The following CADM2 variants were observed in gnomAD, a reference collection of about 807,000 sequenced individuals.
CADM2 encodes immunoglobulin superfamily member 4D.
CADM2 carries 12 observed loss-of-function variants against 49.8 expected under a neutral mutation model. The ratio of observed to expected loss-of-function variants is 0.24; its 90% confidence interval spans 0.15 to 0.39. The LOEUF is 0.39. Ranked by LOEUF, CADM2 falls within the 10% of genes least tolerant of loss-of-function variation. The pLI, the probability that CADM2 is intolerant of heterozygous loss-of-function variation, is 1.00. For synonymous variants in CADM2, 214 were observed against 175.4 expected, an observed-to-expected ratio of 1.22 and a Z score of -1.74; for missense variants, 378 against 492.3, an observed-to-expected ratio of 0.77 and a Z score of 2.20.
intron 1 of CADM2, among the ~76,000 whole-genome samples, chr3:85,687,310 A>G (rs2066246325): frequency 6.6e-6 from 1 of 152,228 alleles, no homozygotes; most frequent in African/African-American, 2.4e-5. Flanking sequence ...ATTAAAATAA[A>G]TAACATAATT....
intron 1 of CADM2, among the ~76,000 whole-genome samples, chr3:85,393,434 G>A (rs895849987): frequency 1.3e-5 from 2 of 152,164 alleles, no homozygotes; most frequent in Non-Finnish European, 2.9e-5. Flanking sequence ...GGAGGTGAAT[G>A]TTGAAAGTAG....
chr3:86,025,376 T>G (rs1559808846), intron 8 of CADM2, among the ~76,000 whole-genome samples: 1 of 152,182 alleles, frequency 6.6e-6, no homozygotes, highest in Admixed American at 6.6e-5. Context: ...GCAAAATAGT[T>G]TTTTGAAAAT....
chr3:85,873,355 CAT>C (rs1577531233), intron 3 of CADM2, among the ~76,000 whole-genome samples: 1 of 152,118 alleles, frequency 6.6e-6, no homozygotes, highest in East Asian at 1.9e-4. Context: ...AATTCAACAT[CAT>C]AGAAAATACT....
intron 1 of CADM2, among the ~76,000 whole-genome samples, chr3:85,039,489 A>T (rs1285310103): frequency 6.6e-6 from 1 of 152,114 alleles, no homozygotes; most frequent in Non-Finnish European, 1.5e-5. Context: ...TTTTCCAAAT[A>T]ATTCAAGTAT....
chr3:85,425,832 G>A (rs1481512743), intron 1 of CADM2, among the ~76,000 whole-genome samples: 14 of 152,152 alleles, frequency 9.2e-5, no homozygotes, highest in African/African-American at 2.7e-4. Context: ...CTGAGCTCTG[G>A]GAGCCCACCA....
intron 1 of CADM2, among the ~76,000 whole-genome samples, chr3:85,325,096 G>T (rs1243641034): frequency 1.3e-5 from 2 of 152,174 alleles, no homozygotes; most frequent in African/African-American, 4.8e-5. Context: ...ACATGAAATG[G>T]TAAAAATAGT....
Position 86,066,648 on chromosome 3 carries a change from T to C in CADM2, c.1097-17T>C. On this transcript the variant is annotated splice_polypyrimidine_tract_variant and intron_variant, in intron 9 of 9. Coordinates refer to ENST00000383699, the MANE Select transcript of CADM2 (RefSeq NM_001167675.2). ...CAGTCTCACAGAGCTAACATATTTT[T>C]CTTCCAATATATGCAGGAACGTATT... is the stretch of plus-strand genomic sequence containing the variant. 1.3e-6 allele frequency: 2 copies of C among 1,536,644 alleles called. No homozygotes were observed. Among genetic ancestry groups the C allele is most frequent in the Non-Finnish European group, 1.8e-6 (2 of 1,109,756 alleles).
rs147658013 is a variant in CADM2 at position 85,503,874 on chromosome 3, C to G, written c.62-222648C>G. Among the ~76,000 whole-genome samples, 797 of 152,292 alleles carry G rather than the reference C, an allele frequency of 5.2e-3. 32 individuals are homozygous for G. The highest frequency in any genetic ancestry group is 0.049 in the Admixed American group (757 of 15,294). Reference sequence around the variant, plus strand: ...TAGTCTTTTCTGCATTTCATTAATTCTCTTAGAGTGCACTGTGTTAAGGCA... The same window carrying G: ...TAGTCTTTTCTGCATTTCATTAATTGTCTTAGAGTGCACTGTGTTAAGGCA... On this transcript the variant is annotated intron_variant, in intron 1 of 9. Transcript: ENST00000383699.
intron 1 of CADM2, among the ~76,000 whole-genome samples, chr3:85,215,373 A>AG (rs2041897937): frequency 1.3e-5 from 2 of 151,356 alleles, no homozygotes; most frequent in Non-Finnish European, 2.9e-5. Context: ...AAAAAAAAAA[A>AG]AAAAAAAAAG....
intron 2 of CADM2, among the ~76,000 whole-genome samples, chr3:85,756,734 TACTA>T (rs1326705572): frequency 1.3e-5 from 2 of 152,172 alleles, no homozygotes; most frequent in Admixed American, 6.6e-5. Context: ...AAGATTATAT[TACTA>T]ACTTTTTAGT....
At chr3:85,511,165 C>G (rs1324206117) in intron 1 of CADM2, among the ~76,000 whole-genome samples, 1 of 152,006 alleles carries the variant, frequency 6.6e-6, no homozygotes, top group East Asian at 1.9e-4. Flanking sequence ...GACCAATATG[C>G]CCTATAGGTT....
intron 1 of CADM2, among the ~76,000 whole-genome samples, chr3:85,570,863 G>A (rs2062455151): frequency 6.6e-6 from 1 of 152,166 alleles, no homozygotes; most frequent in South Asian, 2.1e-4. Context: ...GATTGTGTGT[G>A]AGTCTAATCA....
chr3:85,213,663 T>A (rs1452504036), intron 1 of CADM2, among the ~76,000 whole-genome samples: 1 of 152,156 alleles, frequency 6.6e-6, no homozygotes, highest in Non-Finnish European at 1.5e-5. Flanking sequence ...GAAAGTTCTC[T>A]GTTATTATCC....
At chr3:85,754,750 A>G (rs909893610) in intron 2 of CADM2, among the ~76,000 whole-genome samples, 3 of 152,204 alleles carry the variant, frequency 2.0e-5, no homozygotes, top group Non-Finnish European at 4.4e-5. Context: ...AATTTCTTCA[A>G]TAAAACAAAC....
chr3:85,359,666 A>ATATATATATATATATATTT lies in CADM2; in HGVS notation c.62-366855_62-366854insATATATATATATATATTTT. On this transcript the variant is annotated intron_variant, in intron 1 of 9. Coordinates refer to ENST00000383699, the MANE Select transcript of CADM2 (RefSeq NM_001167675.2). ...TATATATATATATATATATATATAT[A>ATATATATATATATATATTT]TTTTTTTTTTTGGTGGAGGGGAGAA... is the stretch of plus-strand genomic sequence containing the variant. 2.6e-3 allele frequency among the ~76,000 whole-genome samples: 68 copies of ATATATATATATATATATTT among 26,522 alleles called. 2 individuals carry two copies. The highest frequency in any genetic ancestry group is 3.0e-3 in the African/African-American group (28 of 9,374). 17.4% of individuals were successfully genotyped at this position (26,522 alleles called of 152,430 possible).
chr3:85,841,825 T>A (rs774659441), intron 3 of CADM2, among the ~76,000 whole-genome samples: 2 of 152,050 alleles, frequency 1.3e-5, no homozygotes, highest in Non-Finnish European at 2.9e-5. Flanking sequence ...ATAAATTTTA[T>A]CATATCTTTC....
chr3:85,979,381 T>C, intron 8 of CADM2: 6 of 1,396,190 alleles, frequency 4.3e-6, no homozygotes, highest in Non-Finnish European at 5.8e-6. Context: ...CAATTTTACT[T>C]AATTATGAGA....
intron 1 of CADM2, among the ~76,000 whole-genome samples, chr3:85,649,411 T>C (rs1210555540): frequency 2.0e-5 from 3 of 152,198 alleles, no homozygotes; most frequent in Non-Finnish European, 2.9e-5. Flanking sequence ...TGCATTGCTG[T>C]TGAATTTTTA....
At chr3:85,873,764 C>T (rs1289730261) in intron 3 of CADM2, among the ~76,000 whole-genome samples, 1 of 152,110 alleles carries the variant, frequency 6.6e-6, no homozygotes, top group Non-Finnish European at 1.5e-5. Context: ...TTACTCATCA[C>T]TTTCACATTG....
Sources: gnomAD v4.1 joint callset for allele counts (sites outside exome capture counted in the v4.1 genomes callset) on GRCh38, gnomAD v4.1.1 for gene constraint, MANE v1.5 for transcripts, NCBI Gene and HGNC (gene_info 2026-07-23, HGNC 2026-07-21) for gene names.